EXOC6B: variants seen among roughly 807,000 people sequenced by gnomAD.
The protein encoded by EXOC6B is SEC15 homolog B.
A neutral mutation model predicts 113.5 loss-of-function variants in EXOC6B; 54 were observed. The observed-to-expected ratio is 0.48, with a 90% CI of 0.38 to 0.60. The LOEUF is 0.60. Ranked by LOEUF, EXOC6B falls within the 20% of genes least tolerant of loss-of-function variation. The probability of loss-of-function intolerance (pLI) is 0.00; values close to 1 mark genes in which losing one functional copy is unlikely to be tolerated. For missense variants in EXOC6B, 797 were observed against 977.5 expected (o/e 0.82, Z 2.46); for synonymous variants, 357 against 339.0 (o/e 1.05, Z -0.58).
intron 1 of EXOC6B, among the ~76,000 whole-genome samples, chr2:72,747,113 G>A (rs1681753914): frequency 6.6e-6 from 1 of 152,012 alleles, no homozygotes; most frequent in Non-Finnish European, 1.5e-5. Context: ...TTGCCTATTA[G>A]TTGTGCCTAC....
chr2:72,392,507 C>T (rs1382004943), intron 18 of EXOC6B, among the ~76,000 whole-genome samples: 1 of 152,218 alleles, frequency 6.6e-6, no homozygotes. Context: ...TTTTCTTTAA[C>T]ATGTTAATCA....
chr2:72,464,332 T>C (rs751277794), intron 18 of EXOC6B: 16 of 152,206 alleles, frequency 1.1e-4, no homozygotes, highest in Non-Finnish European at 1.5e-4. Context: ...TCTATAGTCC[T>C]CTTTGGTGCT....
chr2:72,221,264 C>T lies in EXOC6B; in HGVS notation c.2197-37077G>A, dbSNP rs899790756. On this transcript the variant is annotated intron_variant, in intron 20 of 21. Transcript: ENST00000272427. ...CAGGATTGACATTCAGTTGGTACAACGAGTTTCTACTTGTGAAAAATAAGA... is the reference window on the plus strand; with the variant it reads ...CAGGATTGACATTCAGTTGGTACAATGAGTTTCTACTTGTGAAAAATAAGA... Among the ~76,000 whole-genome samples the T allele has an allele frequency of 3.3e-5, 5 of 152,260 alleles. No individual in the cohort carries two copies. The South Asian group carries it at 6.2e-4, about 19-fold the overall frequency.
At chr2:72,764,644 G>C (rs1250453167) in intron 1 of EXOC6B, among the ~76,000 whole-genome samples, 1 of 151,948 alleles carries the variant, frequency 6.6e-6, no homozygotes, top group Non-Finnish European at 1.5e-5. Context: ...GGGATGACAG[G>C]CATGAGCCAC....
intron 18 of EXOC6B, among the ~76,000 whole-genome samples, chr2:72,445,254 C>CA (rs1465828865): frequency 6.6e-6 from 1 of 152,152 alleles, no homozygotes; most frequent in African/African-American, 2.4e-5. Flanking sequence ...CATTTGAGAC[C>CA]ACCTCAGCCT....
At chr2:72,256,074 T>C (rs1683336988) in intron 20 of EXOC6B, among the ~76,000 whole-genome samples, 1 of 152,000 alleles carries the variant, frequency 6.6e-6, no homozygotes, top group Non-Finnish European at 1.5e-5. Flanking sequence ...CAAAAGTCCT[T>C]AAAAGAGAAA....
intron 18 of EXOC6B, among the ~76,000 whole-genome samples, chr2:72,401,198 C>T (rs901484819): frequency 1.2e-4 from 18 of 151,368 alleles, no homozygotes; most frequent in Non-Finnish European, 1.8e-4. Context: ...TGGTAACTCA[C>T]GCCTGTAACC....
At chr2:72,203,884 C>T (rs779060613) in intron 20 of EXOC6B, among the ~76,000 whole-genome samples, 34 of 152,310 alleles carry the variant, frequency 2.2e-4, no homozygotes, top group Non-Finnish European at 4.7e-4. Flanking sequence ...AAGTTGTTGA[C>T]GCTCAGGCTG....
intron 6 of EXOC6B, among the ~76,000 whole-genome samples, chr2:72,607,448 TA>T (rs1180193891): frequency 6.6e-6 from 1 of 152,216 alleles, no homozygotes; most frequent in Non-Finnish European, 1.5e-5. Context: ...GGTATTCTGC[TA>T]AATCAGTAGA....
chr2:72,606,890 C>T (rs1013033135), intron 6 of EXOC6B, among the ~76,000 whole-genome samples: 2 of 152,202 alleles, frequency 1.3e-5, no homozygotes, highest in Middle Eastern at 3.4e-3. Context: ...GGATTACAGG[C>T]ATGAGCCACC....
rs1164324005 is a variant in EXOC6B at position 72,691,681 on chromosome 2, AT to A, written c.669+26421del. ...GGGATCAATACAATGTTGTATATCT[AT>A]TTTTTTTTTTTTTTTTGAGATGGAG... On this transcript the variant is annotated intron_variant, in intron 6 of 21. Transcript: ENST00000272427. Among the ~76,000 whole-genome samples, 682 of 137,718 alleles carry A rather than the reference AT, an allele frequency of 5.0e-3. 3 individuals carry two copies. The highest frequency in any genetic ancestry group is 6.5e-3 in the African/African-American group (242 of 37,420). 90.3% of individuals were successfully genotyped at this position (137,718 alleles called of 152,430 possible). A position where few individuals can be genotyped will look rare whatever the true frequency, so the allele number is the denominator to read the frequency against.
intron 8 of EXOC6B, among the ~76,000 whole-genome samples, chr2:72,547,160 C>G (rs997373584): frequency 2.0e-5 from 3 of 152,136 alleles, no homozygotes; most frequent in Non-Finnish European, 2.9e-5. Context: ...CTTGATAGAG[C>G]CTTTGTAATA....
chr2:72,611,786 G>C (rs1319768942), intron 6 of EXOC6B, among the ~76,000 whole-genome samples: 2 of 151,996 alleles, frequency 1.3e-5, no homozygotes, highest in Admixed American at 6.6e-5. Context: ...CTACATCATG[G>C]GACATAGTTC....
chr2:72,740,352 C>G (rs943004323), intron 2 of EXOC6B, among the ~76,000 whole-genome samples: 1 of 152,124 alleles, frequency 6.6e-6, no homozygotes, highest in Non-Finnish European at 1.5e-5. Context: ...GAAAATAAAA[C>G]TGTTATTACT....
In EXOC6B at chr2:72,492,394, G is replaced by A; in HGVS notation, c.1589C>T (p.Thr530Ile). 1 of 1,612,750 alleles carries A rather than the reference G, an allele frequency of 6.2e-7. No homozygotes were observed. Among genetic ancestry groups the A allele is most frequent in the Non-Finnish European group, 8.5e-7 (1 of 1,178,978 alleles). ...TEVDDMIRKS[T>I]NLLLTRTLSN... ...CAGAGTCCTGGTTAGCAACAGGTTT[G>A]TTGATTTCCGAATCATGTCATCAAC... is the stretch of plus-strand genomic sequence containing the variant. The change falls in exon 16 of 22, where the codon ACA (threonine) becomes ATA (isoleucine). Residue 530 changes from threonine (T) to isoleucine (I), a missense_variant. Transcript: ENST00000272427.
chr2:72,516,492 T>C (rs1701219994), intron 8 of EXOC6B, among the ~76,000 whole-genome samples: 1 of 152,142 alleles, frequency 6.6e-6, no homozygotes, highest in Admixed American at 6.5e-5. Flanking sequence ...GTGATCCACC[T>C]GGCCTCCCAA....
chr2:72,482,315 T>C (rs1699149784), intron 16 of EXOC6B, among the ~76,000 whole-genome samples: 1 of 152,234 alleles, frequency 6.6e-6, no homozygotes, highest in Non-Finnish European at 1.5e-5. Context: ...CCTTAGAGTC[T>C]AAAAGAAATA....
At chr2:72,611,331 C>T (rs971626707) in intron 6 of EXOC6B, among the ~76,000 whole-genome samples, 1 of 151,600 alleles carries the variant, frequency 6.6e-6, no homozygotes, top group Non-Finnish European at 1.5e-5. Flanking sequence ...GCACTCCAGT[C>T]CCAGGAAAAG....
intron 7 of EXOC6B, among the ~76,000 whole-genome samples, chr2:72,563,267 T>C (rs1322851576): frequency 1.3e-5 from 2 of 152,116 alleles, no homozygotes; most frequent in South Asian, 2.1e-4. Flanking sequence ...TTAGAGATCA[T>C]TGATAGATTA....
Sources: allele counts gnomAD v4.1 joint callset (sites outside exome capture counted in the v4.1 genomes callset), GRCh38; gene constraint gnomAD v4.1.1; transcripts MANE v1.5; gene names NCBI Gene and HGNC (gene_info 2026-07-23, HGNC 2026-07-21).